Variants in KRT6C observed in about 807,000 individuals in gnomAD.
KRT6C encodes the protein keratin, type II cytoskeletal 6C.
A neutral mutation model predicts 49.4 loss-of-function variants in KRT6C; 46 were observed. That is an observed-to-expected ratio of 0.93 (90% confidence interval 0.74 to 1.19). The LOEUF is 1.19. KRT6C is among the 50% of genes most tolerant of loss of function. The pLI, the probability that KRT6C is intolerant of heterozygous loss-of-function variation, is 0.00. For missense variants in KRT6C, 552 were observed against 737.5 expected (o/e 0.75, Z 2.91); for synonymous variants, 236 against 297.1 (o/e 0.79, Z 2.12).
Position 52,473,730 on chromosome 12 carries a change from C to T in KRT6C, c.8G>A (p.Ser3Asn). The change falls in exon 1 of 9, where the codon AGC becomes AAC. Residue 3 changes from serine (S) to asparagine (N), a missense_variant. Around this residue, in one of 3 missense-constraint regions of KRT6C, gnomAD observed 73 missense variants for 102.1 expected, o/e 0.71. Coordinates refer to ENST00000252250, the MANE Select transcript of KRT6C (RefSeq NM_173086.5). MASTSTTIRSHSS... is the reference protein window; with the variant it reads MANTSTTIRSHSS... ...GTGGCTCCTGATGGTGGTGGATGTG[C>T]TGGCCATGGTTCCAGGAGATGAGAG... 6.2e-7 allele frequency: 1 copy of T among 1,614,002 alleles called. No homozygotes were observed. The highest frequency in any genetic ancestry group is 8.5e-7 in the Non-Finnish European group (1 of 1,180,020).
In KRT6C at chr12:52,468,963, G is replaced by T. The variant is rs1937820604; in HGVS notation, c.*99C>A. ...ACCCAGCTCTACCTCGGAGAGCAGG[G>T]AAGACTAGAGGCCAGGAGAGGATAG... On this transcript the variant is annotated 3_prime_UTR_variant, in exon 9 of 9. Transcript: ENST00000252250. 3.4e-6 allele frequency: 5 copies of T among 1,492,078 alleles called. No individual in the cohort carries two copies. The South Asian group carries it at 5.9e-5, about 17-fold the overall frequency. The allele number at this position is 1,492,078 out of a possible 1,614,324, so 92.4% of individuals were successfully genotyped here. A position where few individuals can be genotyped will look rare whatever the true frequency, so the allele number is the denominator to read the frequency against.
rs1201382072 is a variant in KRT6C, at chr12:52,468,854, A to G, written c.*208T>C. On this transcript the variant is annotated 3_prime_UTR_variant, in exon 9 of 9. Transcript: ENST00000252250. ...ATTGGTGAATACATTATGATGTAAA[A>G]TCAAAGGTTGATCTGATGGTGAGCA... 4 of 627,388 alleles carry G rather than the reference A, an allele frequency of 6.4e-6. No homozygotes were observed. The East Asian group carries it at 8.3e-5, about 13-fold the overall frequency. The allele number at this position is 627,388 out of a possible 1,614,324, so 38.9% of individuals were successfully genotyped here.
At position 52,469,248 on chromosome 12, in the gene KRT6C, G is replaced by A. The variant is rs139360268; in HGVS notation, c.1509C>T (p.Val503=). ...ISSGYGGASG[V]GSGLGLGGGS... is the part of the protein sequence containing the mutation. ...CTCCACCCAGGCCTAAGCCACTGCC[G>A]ACACCGCTGGCACCGCCATAGCCAC... The change falls in exon 9 of 9, where the codon GTC becomes GTT. Residue 503 remains valine, a synonymous_variant. Coordinates refer to ENST00000252250, the MANE Select transcript of KRT6C (RefSeq NM_173086.5). 2.1e-4 allele frequency: 341 copies of A among 1,613,748 alleles called. No homozygotes were observed. The African/African-American group carries it at 3.4e-3, about 16-fold the overall frequency.
chr12:52,470,146 C>CAAGCCATATGG (rs1433602546), intron 6 of KRT6C: 3 of 616,112 alleles, frequency 4.9e-6, no homozygotes, highest in Non-Finnish European at 8.5e-6. Flanking sequence ...GACCCAAAAA[C>CAAGCCATATGG]AAGCCATATG....
Position 52,472,404 on chromosome 12 carries a change from G to A in KRT6C, c.541-124C>T, listed in dbSNP as rs558870337. 2.0e-4 allele frequency: 185 copies of A among 923,992 alleles called. 18 individuals are homozygous for A. The African/African-American group carries it at 2.3e-3, about 12-fold the overall frequency. 57.2% of individuals were successfully genotyped at this position (923,992 alleles called of 1,614,324 possible). On this transcript the variant is annotated intron_variant, in intron 1 of 8. Coordinates refer to ENST00000252250, the MANE Select transcript of KRT6C (RefSeq NM_173086.5). ...TGGGCTACTACAGTGCATGTGGAGA[G>A]GCTCAGGCTGAGCTCTGCTCCCCCA...
In KRT6C at chr12:52,473,695, G is replaced by A. The variant is rs563909878; in HGVS notation, c.43C>T (p.Arg15Cys). 1.1e-5 allele frequency: 17 copies of A among 1,613,672 alleles called. No individual in the cohort carries two copies. In the East Asian group the frequency reaches 2.0e-4, roughly 19 times the overall value. Residue 15 changes from arginine to cysteine, a missense_variant, in exon 1 of 9, where the codon CGC becomes TGC. Transcript: ENST00000252250. ...GCTGAGTTGGCACTGAAACCCCGGC[G>A]GCTGCTGCTGTGGCTCCTGATGGTG... ...STTIRSHSSS[R>C]RGFSANSARL...
chr12:52,473,790 G>A lies in KRT6C; in HGVS notation c.-53C>T. On this transcript the variant is annotated 5_prime_UTR_variant, in exon 1 of 9. Coordinates refer to ENST00000252250, the MANE Select transcript of KRT6C (RefSeq NM_173086.5). The stretch of plus-strand genomic sequence containing the variant: ...GAGCGTTGGAGGCTGGAGGCGAGAG[G>A]CAGGAGAAGCAGGACAAGGAATCGG... 6.2e-7 allele frequency: 1 copy of A among 1,613,012 alleles called. No homozygotes were observed. The highest frequency in any genetic ancestry group is 1.1e-5 in the South Asian group (1 of 90,942).
Position 52,469,083 on chromosome 12 carries a change from G to A in KRT6C, c.1674C>T (p.Ser558=), listed in dbSNP as rs374282576. Residue 558 remains serine (S), a synonymous_variant, in exon 9 of 9, where the codon AGC becomes AGT. Transcript: ENST00000252250. ...TIKYTTTSSS[S]RKSYKH is the part of the protein sequence containing the mutation. ...CACTTTAGTGCTTGTAGCTCTTCCT[G>A]CTGGAGGAGGAGGTGGTGGTGTACT... The A allele has an allele frequency of 1.2e-6, 2 of 1,614,122 alleles. No homozygotes were observed. Among genetic ancestry groups the A allele is most frequent in the South Asian group, 2.2e-5 (2 of 91,072 alleles).
chr12:52,471,323 A>C, intron 4 of KRT6C, 27 bp from the exon 5 acceptor site: 1 of 1,614,214 alleles, frequency 6.2e-7, no homozygotes. Flanking sequence ...CATAAGATCA[A>C]CTTCACATCT....
In KRT6C at chr12:52,469,294, A is replaced by G. The variant is rs201736697; in HGVS notation, c.1463T>C (p.Val488Ala). ...GEGVGQVNVSVVQSTISSGYG... is the reference protein window; with the variant it reads ...GEGVGQVNVSAVQSTISSGYG... The stretch of plus-strand genomic sequence containing the variant: ...GCCACTGGAGATGGTGGACTGTACT[A>G]CAGCTGTGGTGGGGAGGGGACAAGG... The change falls in exon 9 of 9, where the codon GTA becomes GCA. Residue 488 changes from valine to alanine, a missense_variant. Around this residue, in one of 3 missense-constraint regions of KRT6C, gnomAD observed 425 missense variants for 439.4 expected, o/e 0.97. Transcript: ENST00000252250. 9.3e-6 allele frequency: 15 copies of G among 1,613,826 alleles called. No homozygotes were observed. The highest frequency in any genetic ancestry group is 1.7e-6 in the Non-Finnish European group (2 of 1,179,798).
intron 6 of KRT6C, chr12:52,470,106 G>T (rs1295997976): frequency 4.5e-6 from 3 of 662,776 alleles, no homozygotes; most frequent in Non-Finnish European, 7.8e-6. Flanking sequence ...ATGAGAATGT[G>T]CGTTGCATCT....
intron 7 of KRT6C, 59 bp from the exon 8 acceptor site, chr12:52,469,504 G>A: frequency 1.2e-6 from 2 of 1,613,916 alleles, no homozygotes; most frequent in Non-Finnish European, 1.7e-6. Context: ...CCCTGGACCA[G>A]TGTGGGCAGC....
rs138405958 is a variant in KRT6C, at chr12:52,469,124, C to T, written c.1633G>A (p.Gly545Ser). The change falls in exon 9 of 9, where the codon GGC (glycine) becomes AGC (serine). Residue 545 changes from glycine to serine, a missense_variant. Gly to Ser is a moderately conservative substitution (Grantham distance 56). Around this residue, in one of 3 missense-constraint regions of KRT6C, gnomAD observed 425 missense variants for 439.4 expected, o/e 0.97. Transcript: ENST00000252250. ...GTGGTGTACTTGATGGTGGAACTGCCGCCTCCAACAGAGCTGAGGCCACCC... is the reference window on the plus strand; with the variant it reads ...GTGGTGTACTTGATGGTGGAACTGCTGCCTCCAACAGAGCTGAGGCCACCC... ...IGGGLSSVGGGSSTIKYTTTS... is the reference protein window; with the variant it reads ...IGGGLSSVGGSSSTIKYTTTS... 112 of 1,613,916 alleles carry T rather than the reference C, an allele frequency of 6.9e-5. No homozygotes were observed. The highest frequency in any genetic ancestry group is 2.7e-4 in the African/African-American group (20 of 74,940).
chr12:52,472,709 T>G, intron 1 of KRT6C, among the ~76,000 whole-genome samples: 1 of 136,424 alleles, frequency 7.3e-6, no homozygotes, highest in East Asian at 2.7e-4. Flanking sequence ...TCAAATATTC[T>G]GATGTTATGG....
rs1937916986 is a variant in KRT6C at position 52,473,137 on chromosome 12, G to A, written c.540+61C>T. 72 of 1,382,678 alleles carry A rather than the reference G, an allele frequency of 5.2e-5. 14 individuals carry two copies. The South Asian group carries it at 8.1e-4, about 15-fold the overall frequency. 85.7% of individuals were successfully genotyped at this position (1,382,678 alleles called of 1,614,324 possible). A position where few individuals can be genotyped will look rare whatever the true frequency, so the allele number is the denominator to read the frequency against. On this transcript the variant is annotated intron_variant, in intron 1 of 8. Transcript: ENST00000252250. ...CCTCCTAGGTCTCCCTAGCAGGAAG[G>A]TGTTGCTCTTCTGGTCTGGGGACCC...
chr12:52,469,323 C>A (rs770532767), intron 8 of KRT6C, 26 bp from the exon 9 acceptor site: 1 of 1,614,000 alleles, frequency 6.2e-7, no homozygotes, highest in Non-Finnish European at 8.5e-7. Context: ...GACAAGGACA[C>A]AAGAAGCCAC....
rs2121517459 is a variant in KRT6C at position 52,468,856 on chromosome 12, C to T, written c.*206G>A. 5 of 628,460 alleles carry T rather than the reference C, an allele frequency of 8.0e-6. No individual in the cohort carries two copies. Among genetic ancestry groups the T allele is most frequent in the Non-Finnish European group, 1.4e-5 (5 of 357,514 alleles). The allele number at this position is 628,460 out of a possible 1,614,324, so 38.9% of individuals were successfully genotyped here. A position where few individuals can be genotyped will look rare whatever the true frequency, so the allele number is the denominator to read the frequency against. On this transcript the variant is annotated 3_prime_UTR_variant, in exon 9 of 9. Coordinates refer to ENST00000252250, the MANE Select transcript of KRT6C (RefSeq NM_173086.5). Reference sequence around the variant, plus strand: ...TGGTGAATACATTATGATGTAAAATCAAAGGTTGATCTGATGGTGAGCAAT... The same window carrying T: ...TGGTGAATACATTATGATGTAAAATTAAAGGTTGATCTGATGGTGAGCAAT...
intron 1 of KRT6C, 83 bp from the exon 2 acceptor site, chr12:52,472,363 G>C (rs1252405922): frequency 8.3e-7 from 1 of 1,211,170 alleles, no homozygotes; most frequent in African/African-American, 1.4e-5. Context: ...GCAGGTCTTG[G>C]AGGTCCCCAT....
chr12:52,473,650 G>A lies in KRT6C; in HGVS notation c.88C>T (p.Arg30Cys), dbSNP rs775118139. ...ACGGAGATGCTGCTGAAGCCAGAGC[G>A]GCTGACCCCAGGGAGCCTGGCTGAG... ...ANSARLPGVS[R>C]SGFSSISVSR... is the part of the protein sequence containing the mutation. Residue 30 changes from arginine to cysteine, a missense_variant, in exon 1 of 9, where the codon CGC becomes TGC. Around this residue, in one of 3 missense-constraint regions of KRT6C, gnomAD observed 73 missense variants for 102.1 expected, o/e 0.71. Transcript: ENST00000252250. 9.9e-6 allele frequency: 16 copies of A among 1,612,178 alleles called. No individual in the cohort carries two copies. Among genetic ancestry groups the A allele is most frequent in the African/African-American group, 6.7e-5 (5 of 74,570 alleles).
Sources: allele counts gnomAD v4.1 joint callset (sites outside exome capture counted in the v4.1 genomes callset), GRCh38; gene constraint gnomAD v4.1.1; regional missense constraint gnomAD v4.1.1; transcripts MANE v1.5; gene names NCBI Gene and HGNC (gene_info 2026-07-23, HGNC 2026-07-21).